The following CNTN5 variants were observed in gnomAD, a reference collection of about 807,000 sequenced individuals.
CNTN5 encodes contactin-5.
CNTN5 carries 77 observed loss-of-function variants against 129.1 expected under a neutral mutation model. The observed-to-expected ratio is 0.60, with a 90% CI of 0.50 to 0.72. CNTN5 has a LOEUF of 0.72. CNTN5 is among the 30% of genes least tolerant of loss of function. The pLI is 0.00. For synonymous variants in CNTN5, 509 were observed against 465.6 expected, an observed-to-expected ratio of 1.09 and a Z score of -1.20; for missense variants, 1,478 against 1,328.8, an observed-to-expected ratio of 1.11 and a Z score of -1.75.
In CNTN5 at chr11:99,456,879, T is replaced by A. The variant is rs1944515310; in HGVS notation, c.-70-99266T>A. On this transcript the variant is annotated intron_variant, in intron 2 of 24. Transcript: ENST00000524871. The stretch of plus-strand genomic sequence containing the variant: ...CATTCTCAAAGAATATGACTAGATA[T>A]TTTAATTTAAATATTTTAATGAAAG... 2.6e-5 allele frequency among the ~76,000 whole-genome samples: 4 copies of A among 152,046 alleles called. 1 individual carries two copies. The South Asian group carries it at 8.3e-4, about 31-fold the overall frequency.
At chr11:99,510,914 C>CATAGGAG (rs1203938839) in intron 2 of CNTN5, among the ~76,000 whole-genome samples, 4 of 152,094 alleles carry the variant, frequency 2.6e-5, no homozygotes, top group African/African-American at 9.7e-5. Flanking sequence ...TTATTATAAT[C>CATAGGAG]ATAGGAGATG....
intron 2 of CNTN5, among the ~76,000 whole-genome samples, chr11:99,488,352 T>C (rs11825757): frequency 0.25 from 37,333 of 151,788 alleles, 4,923 homozygotes; most frequent in Non-Finnish European, 0.3. Flanking sequence ...TTTGTATTTT[T>C]AGTAGAGACG....
chr11:99,938,442 A>C (rs1179973871), intron 7 of CNTN5, among the ~76,000 whole-genome samples: 1 of 151,608 alleles, frequency 6.6e-6, no homozygotes, highest in African/African-American at 2.4e-5. Flanking sequence ...TTTGAGAGAC[A>C]GATTTATTCT....
chr11:100,033,185 C>T (rs1217271208), intron 9 of CNTN5, among the ~76,000 whole-genome samples: 1 of 152,216 alleles, frequency 6.6e-6, no homozygotes, highest in East Asian at 1.9e-4. Flanking sequence ...GTGCAGACTA[C>T]AGTGTTCCAA....
At chr11:99,235,059 T>TTTTTTTAA (rs1861197897) in intron 1 of CNTN5, among the ~76,000 whole-genome samples, 1 of 151,606 alleles carries the variant, frequency 6.6e-6, no homozygotes, top group African/African-American at 2.4e-5. Flanking sequence ...TTTCTTTTTT[T>TTTTTTTAA]GGAAATCAAG....
intron 13 of CNTN5, among the ~76,000 whole-genome samples, chr11:100,087,597 A>G (rs973314478): frequency 5.9e-5 from 9 of 151,998 alleles, no homozygotes; most frequent in South Asian, 2.1e-4. Flanking sequence ...TCCTAAATAT[A>G]CATTCACCCA....
At chr11:99,088,678 T>C (rs192263857) in intron 1 of CNTN5, among the ~76,000 whole-genome samples, 18 of 152,182 alleles carry the variant, frequency 1.2e-4, no homozygotes, top group African/African-American at 4.1e-4. Flanking sequence ...CTGTACATTA[T>C]AGCAACTCGG....
intron 2 of CNTN5, among the ~76,000 whole-genome samples, chr11:99,486,622 A>G (rs972996968): frequency 9.2e-5 from 14 of 152,176 alleles, no homozygotes; most frequent in Non-Finnish European, 2.1e-4. Context: ...ATAAAACACA[A>G]AAGAACTCAG....
At chr11:99,837,684 TAAA>T (rs34378760) in intron 4 of CNTN5, among the ~76,000 whole-genome samples, 32,231 of 112,338 alleles carry the variant, frequency 0.29, 4,059 homozygotes, top group Middle Eastern at 0.37. Context: ...CACACATGAG[TAAA>T]AAAAAAAAAA....
At chr11:99,753,012 A>C (rs1474259239) in intron 3 of CNTN5, among the ~76,000 whole-genome samples, 1 of 152,130 alleles carries the variant, frequency 6.6e-6, no homozygotes. Flanking sequence ...GGCACAAACT[A>C]TAAAAAATAA....
intron 6 of CNTN5, among the ~76,000 whole-genome samples, chr11:99,847,433 T>G (rs1444779034): frequency 6.6e-6 from 1 of 152,214 alleles, no homozygotes; most frequent in Non-Finnish European, 1.5e-5. Context: ...CAATATCTGC[T>G]TATTTTTAAC....
At chr11:100,134,613 T>A (rs1393546486) in intron 13 of CNTN5, among the ~76,000 whole-genome samples, 1 of 152,150 alleles carries the variant, frequency 6.6e-6, no homozygotes, top group African/African-American at 2.4e-5. Flanking sequence ...TATTTTTGTA[T>A]TCTTAGCATG....
At chr11:99,699,434 C>G (rs1954421315) in intron 3 of CNTN5, among the ~76,000 whole-genome samples, 1 of 151,404 alleles carries the variant, frequency 6.6e-6, no homozygotes, top group African/African-American at 2.4e-5. Flanking sequence ...TCTCAAATTT[C>G]TCTTCAAATA....
chr11:100,242,562 A>G (rs745414820), intron 16 of CNTN5, among the ~76,000 whole-genome samples: 9 of 152,144 alleles, frequency 5.9e-5, no homozygotes, highest in Non-Finnish European at 1.3e-4. Context: ...CACATCTTAC[A>G]TGGCCAGAGC....
At chr11:100,128,072 A>T (rs1263009851) in intron 13 of CNTN5, among the ~76,000 whole-genome samples, 1 of 152,058 alleles carries the variant, frequency 6.6e-6, no homozygotes, top group Non-Finnish European at 1.5e-5. Context: ...TCCTTTATGC[A>T]CCAATTATTC....
chr11:100,050,329 C>T (rs1942887653), intron 9 of CNTN5, among the ~76,000 whole-genome samples: 1 of 152,208 alleles, frequency 6.6e-6, no homozygotes, highest in East Asian at 1.9e-4. Context: ...TTTGTAGGGA[C>T]ATGGATGAAA....
intron 1 of CNTN5, among the ~76,000 whole-genome samples, chr11:99,159,093 T>C (rs1171652865): frequency 6.6e-6 from 1 of 152,088 alleles, no homozygotes; most frequent in African/African-American, 2.4e-5. Flanking sequence ...ACATAAAGCA[T>C]GGAAATAATA....
intron 2 of CNTN5, among the ~76,000 whole-genome samples, chr11:99,548,571 T>C (rs961674713): frequency 2.0e-5 from 3 of 152,220 alleles, no homozygotes; most frequent in African/African-American, 7.2e-5. Context: ...AAGTTAAGTT[T>C]CAGTTTGCTT....
At chr11:99,519,746 A>C (rs559628144) in intron 2 of CNTN5, among the ~76,000 whole-genome samples, 66 of 152,170 alleles carry the variant, frequency 4.3e-4, no homozygotes, top group African/African-American at 1.5e-3. Context: ...TGTTTATTCA[A>C]CCAGTCTGGG....
Sources: allele counts gnomAD v4.1 joint callset (sites outside exome capture counted in the v4.1 genomes callset), GRCh38; gene constraint gnomAD v4.1.1; transcripts MANE v1.5; gene names NCBI Gene and HGNC (gene_info 2026-07-23, HGNC 2026-07-21).